HIF1AN: variants seen among roughly 807,000 people sequenced by gnomAD.
The protein encoded by HIF1AN is hypoxia-inducible factor 1-alpha inhibitor.
In HIF1AN, 21 loss-of-function variants were observed where a neutral mutation model predicts 47.7. The ratio of observed to expected loss-of-function variants is 0.44; its 90% CI spans 0.31 to 0.63. The LOEUF (loss-of-function observed/expected upper bound fraction) is 0.63, where lower values mean the gene tolerates loss of function less well. Ranked by LOEUF, HIF1AN falls within the 30% of genes least tolerant of loss-of-function variation. The probability of loss-of-function intolerance (pLI) is 0.07; values close to 1 mark genes in which losing one functional copy is unlikely to be tolerated. For synonymous variants in HIF1AN, 152 were observed against 155.9 expected, an observed-to-expected ratio of 0.98 and a Z score of 0.18; for missense variants, 320 against 432.7, an observed-to-expected ratio of 0.74 and a Z score of 2.31.
chr10:100,535,979 G>A lies in HIF1AN; in HGVS notation c.21G>A (p.Glu7=), dbSNP rs1852213007. The change falls in exon 1 of 8, where the codon GAG becomes GAA. Residue 7 remains glutamate, a synonymous_variant. Coordinates refer to ENST00000299163, the MANE Select transcript of HIF1AN (RefSeq NM_017902.3). Reference sequence around the variant, plus strand: ...CGGAGATGGCGGCGACAGCGGCGGAGGCTGTGGCCTCTGGCTCTGGAGAGC... The same window carrying A: ...CGGAGATGGCGGCGACAGCGGCGGAAGCTGTGGCCTCTGGCTCTGGAGAGC... The part of the protein sequence containing the change: MAATAA[E]AVASGSGEPR... The A allele has an allele frequency of 1.3e-6, 2 of 1,554,292 alleles. No individual in the cohort carries two copies. The highest frequency in any genetic ancestry group is 8.7e-7 in the Non-Finnish European group (1 of 1,150,526).
Position 100,546,058 on chromosome 10 carries a change from G to T in HIF1AN, c.830+9G>T. 1.3e-6 allele frequency: 2 copies of T among 1,589,750 alleles called. No individual in the cohort carries two copies. The highest frequency in any genetic ancestry group is 1.7e-6 in the Non-Finnish European group (2 of 1,158,190). On this transcript the variant is annotated intron_variant, in intron 5 of 7. Coordinates refer to ENST00000299163, the MANE Select transcript of HIF1AN (RefSeq NM_017902.3). ...TACATCCCAATGTACTGGTGAGAAG[G>T]GGGCTAGGGCTGGGGGCTTTTTGGG...
chr10:100,537,826 TTTC>T (rs1852246077), intron 2 of HIF1AN, among the ~76,000 whole-genome samples: 3 of 152,386 alleles, frequency 2.0e-5, no homozygotes, highest in Admixed American at 6.5e-5. Context: ...AATATCTTTT[TTTC>T]TTCTTCTTAA....
At position 100,557,194 on chromosome 10, in the gene HIF1AN, G is replaced by C. The variant is rs1009646695; in HGVS notation, c.*9057G>C. 6.6e-6 allele frequency: 1 copy of C among 152,292 alleles called. No homozygotes were observed. The highest frequency in any genetic ancestry group is 1.5e-5 in the Non-Finnish European group (1 of 68,120). 9.4% of individuals were successfully genotyped at this position (152,292 alleles called of 1,614,324 possible). On this transcript the variant is annotated 3_prime_UTR_variant, in exon 8 of 8. Transcript: ENST00000299163. ...AAGGAAATGGGGCAGGAGGATGTCT[G>C]TGGAGGACACAGTGTGGCTGAGTGG...
At chr10:100,538,254 T>C (rs898223842) in intron 2 of HIF1AN, among the ~76,000 whole-genome samples, 7 of 152,180 alleles carry the variant, frequency 4.6e-5, no homozygotes, top group African/African-American at 1.4e-4. Flanking sequence ...CAGCTGACTT[T>C]AGCACCGAGC....
chr10:100,547,793 C>G (rs1393627828), intron 7 of HIF1AN, among the ~76,000 whole-genome samples: 1 of 152,146 alleles, frequency 6.6e-6, no homozygotes, highest in Non-Finnish European at 1.5e-5. Context: ...TATAGACACT[C>G]TTGGGTGTTC....
chr10:100,543,075 G>C (rs771892556), intron 3 of HIF1AN, among the ~76,000 whole-genome samples: 1 of 152,062 alleles, frequency 6.6e-6, no homozygotes, highest in Non-Finnish European at 1.5e-5. Context: ...TAGCTCCTTG[G>C]TTTCTTCTTG....
rs202206877 is a variant in HIF1AN at position 100,545,960 on chromosome 10, C to T, written c.741C>T (p.Pro247=). The change falls in exon 5 of 8, where the codon CCC becomes CCT. Residue 247 remains proline (P), a synonymous_variant. Coordinates refer to ENST00000299163, the MANE Select transcript of HIF1AN (RefSeq NM_017902.3). ...CCTCTTAGGTGGACTTTGACAATCC[C>T]GACTACGAGAGGTTCCCTAATTTCC... The part of the protein sequence containing the change: ...DRQSQVDFDN[P]DYERFPNFQN... 40 of 1,613,142 alleles carry T rather than the reference C, an allele frequency of 2.5e-5. No homozygotes were observed. Among genetic ancestry groups the T allele is most frequent in the Admixed American group, 1.3e-4 (8 of 59,968 alleles).
rs1472757719 is a variant in HIF1AN, at chr10:100,548,941, TCTC to T, written c.*807_*809del. On this transcript the variant is annotated 3_prime_UTR_variant, in exon 8 of 8. Coordinates refer to ENST00000299163, the MANE Select transcript of HIF1AN (RefSeq NM_017902.3). Reference sequence around the variant, plus strand: ...CCCCTATGCTGGGTACCAAGGGAGTTCTCCTAGCTGTGGCTTCTCTAGGTTCTA... The same window carrying T: ...CCCCTATGCTGGGTACCAAGGGAGTTCTAGCTGTGGCTTCTCTAGGTTCTA... 2 of 152,404 alleles carry T rather than the reference TCTC, an allele frequency of 1.3e-5. No homozygotes were observed. Among genetic ancestry groups the T allele is most frequent in the Non-Finnish European group, 2.9e-5 (2 of 68,092 alleles). The allele number at this position is 152,404 out of a possible 1,614,324, so 9.4% of individuals were successfully genotyped here.
chr10:100,543,994 C>T (rs1843071200), intron 3 of HIF1AN, among the ~76,000 whole-genome samples: 1 of 152,166 alleles, frequency 6.6e-6, no homozygotes, highest in African/African-American at 2.4e-5. Flanking sequence ...ACTCTCATCA[C>T]TTAAGAAAGC....
chr10:100,546,995 CTCCCAAAGTGCTGGGATTATAGGCCTGAG>C (rs1240126185), intron 6 of HIF1AN, 116 bp from the exon 7 acceptor site: 1 of 609,714 alleles, frequency 1.6e-6, no homozygotes, highest in Non-Finnish European at 2.9e-6. Context: ...CCGCCTCGGC[CTCCCAAAGTGCTGGGATTATAGGCCTGAG>C]TCACCGTGCC....
intron 3 of HIF1AN, among the ~76,000 whole-genome samples, chr10:100,541,567 C>G (rs1843033104): frequency 6.6e-6 from 1 of 151,376 alleles, no homozygotes. Context: ...GTTGTGTGGT[C>G]TCGGCTCACT....
Position 100,536,578 on chromosome 10 carries a change from G to A in HIF1AN, c.345G>A (p.Lys115=). The change falls in exon 2 of 8, where the codon AAG becomes AAA. Residue 115 remains lysine, a synonymous_variant. Transcript: ENST00000299163. The stretch of plus-strand genomic sequence containing the variant: ...AGATGGCCAATTTCCAGAACTTTAA[G>A]CCGAGGTCCAACAGGGAAGAAATGA... The part of the protein sequence containing the change: ...EKKMANFQNF[K]PRSNREEMKF... 1 of 1,614,188 alleles carries A rather than the reference G, an allele frequency of 6.2e-7. No individual in the cohort carries two copies. The highest frequency in any genetic ancestry group is 1.6e-4 in the Middle Eastern group (1 of 6,062).
intron 3 of HIF1AN, among the ~76,000 whole-genome samples, chr10:100,542,249 CTG>C (rs983070102): frequency 2.0e-5 from 3 of 152,138 alleles, no homozygotes; most frequent in Non-Finnish European, 2.9e-5. Context: ...TGGCACATGA[CTG>C]TACCACTTTT....
Position 100,548,219 on chromosome 10 carries a change from C to A in HIF1AN, c.*82C>A. 8.1e-7 allele frequency: 1 copy of A among 1,233,938 alleles called. No homozygotes were observed. The highest frequency in any genetic ancestry group is 2.4e-5 in the East Asian group (1 of 41,132). The allele number at this position is 1,233,938 out of a possible 1,614,324, so 76.4% of individuals were successfully genotyped here. The stretch of plus-strand genomic sequence containing the variant: ...ATTGATGAGGACAGGAGACTCCAAG[C>A]GCTAGTATTGCACGCTGCACTTAAT... On this transcript the variant is annotated 3_prime_UTR_variant, in exon 8 of 8. Transcript: ENST00000299163.
Position 100,546,037 on chromosome 10 carries a change from T to G in HIF1AN, c.818T>G (p.Ile273Ser), listed in dbSNP as rs371886130. 6.2e-7 allele frequency: 1 copy of G among 1,611,474 alleles called. No individual in the cohort carries two copies. The highest frequency in any genetic ancestry group is 8.5e-7 in the Non-Finnish European group (1 of 1,177,798). The change falls in exon 5 of 8, where the codon ATC becomes AGC. Residue 273 changes from isoleucine to serine, a missense_variant. Ile to Ser is a moderately radical substitution (Grantham distance 142). Around this residue, in one of 2 missense-constraint regions of HIF1AN, gnomAD observed 161 missense variants for 272.8 expected, o/e 0.59. Coordinates refer to ENST00000299163, the MANE Select transcript of HIF1AN (RefSeq NM_017902.3). ...TVVGPGDVLY[I>S]PMYWWHHIES... ...GTTGGCCCTGGTGATGTTCTTTACA[T>G]CCCAATGTACTGGTGAGAAGGGGGC...
In HIF1AN at chr10:100,549,975, C is replaced by A. The variant is rs1843139750; in HGVS notation, c.*1838C>A. 2 of 152,122 alleles carry A rather than the reference C, an allele frequency of 1.3e-5. No individual in the cohort carries two copies. Among genetic ancestry groups the A allele is most frequent in the South Asian group, 4.1e-4 (2 of 4,824 alleles). The allele number at this position is 152,122 out of a possible 1,614,324, so 9.4% of individuals were successfully genotyped here. ...ATATGGTACCTTCTCAAGTGTAGCT[C>A]TTTCAAATATAGTCAATGCTGGGAA... On this transcript the variant is annotated 3_prime_UTR_variant, in exon 8 of 8. Coordinates refer to ENST00000299163, the MANE Select transcript of HIF1AN (RefSeq NM_017902.3).
rs117092760 is a variant in HIF1AN at position 100,545,587 on chromosome 10, G to A, written c.724-356G>A. 655 of 225,438 alleles carry A rather than the reference G, an allele frequency of 2.9e-3. 1 individual carries two copies. Among genetic ancestry groups the A allele is most frequent in the Non-Finnish European group, 4.6e-3 (535 of 116,336 alleles). 14.0% of individuals were successfully genotyped at this position (225,438 alleles called of 1,614,324 possible). A position where few individuals can be genotyped will look rare whatever the true frequency, so the allele number is the denominator to read the frequency against. On this transcript the variant is annotated intron_variant, in intron 4 of 7. Transcript: ENST00000299163. Reference sequence around the variant, plus strand: ...TCAGAAAGCTGTCTAGCTACTTCATGTGGGAGTCTTTGCTGGTTAGAATAT... The same window carrying A: ...TCAGAAAGCTGTCTAGCTACTTCATATGGGAGTCTTTGCTGGTTAGAATAT...
intron 2 of HIF1AN, among the ~76,000 whole-genome samples, chr10:100,538,047 A>G (rs534084472): frequency 6.6e-6 from 1 of 152,320 alleles, no homozygotes; most frequent in African/African-American, 2.4e-5. Flanking sequence ...ATGCTGTTGG[A>G]GTGTGTAATT....
intron 6 of HIF1AN, 59 bp downstream of exon 6, chr10:100,546,640 G>C: frequency 3.8e-6 from 5 of 1,302,414 alleles, no homozygotes; most frequent in South Asian, 3.6e-5. Context: ...GGGTGAGGTA[G>C]GTATAATAAA....
Sources: allele counts gnomAD v4.1 joint callset (sites outside exome capture counted in the v4.1 genomes callset), GRCh38; gene constraint gnomAD v4.1.1; regional missense constraint gnomAD v4.1.1; transcripts MANE v1.5; gene names NCBI Gene and HGNC (gene_info 2026-07-23, HGNC 2026-07-21).